MINDY2: variants seen among roughly 807,000 people sequenced by gnomAD.
The protein encoded by MINDY2 is MINDY lysine 48 deubiquitinase 2, also known as ubiquitin carboxyl-terminal hydrolase MINDY-2.
MINDY2 carries 52 observed loss-of-function variants against 68.2 expected under a neutral mutation model. That is an observed-to-expected ratio of 0.76 (90% CI 0.61 to 0.96). MINDY2 has a LOEUF of 0.96. Ranked by LOEUF, MINDY2 falls within the 40% of genes least tolerant of loss-of-function variation. MINDY2 has a pLI of 0.00. For missense variants in MINDY2, 881 were observed against 773.4 expected (o/e 1.14, Z -1.65); for synonymous variants, 372 against 303.0 (o/e 1.23, Z -2.36).
chr15:58,772,199 G>T lies in MINDY2; in HGVS notation c.804G>T (p.Leu268Phe). The change falls in exon 1 of 9, where the codon TTG (leucine) becomes TTT (phenylalanine). Residue 268 changes from leucine (L) to phenylalanine (F), a missense_variant. Leu to Phe is a conservative substitution (Grantham distance 22). Coordinates refer to ENST00000559228, the MANE Select transcript of MINDY2 (RefSeq NM_001040450.3). ...AGAATGAGAACGGACCCTGCCCCTT[G>T]CTGGCCATCCTCAATGTTTTGCTCC... ...ITQNENGPCP[L>F]LAILNVLLLA... 6.2e-7 allele frequency: 1 copy of T among 1,613,190 alleles called. No homozygotes were observed. The highest frequency in any genetic ancestry group is 8.5e-7 in the Non-Finnish European group (1 of 1,180,022).
At chr15:58,825,203 T>G (rs1379880493) in intron 5 of MINDY2, among the ~76,000 whole-genome samples, 2 of 152,220 alleles carry the variant, frequency 1.3e-5, no homozygotes, top group African/African-American at 4.8e-5. Context: ...CTAACATTCC[T>G]TTTTAAGGGA....
intron 1 of MINDY2, among the ~76,000 whole-genome samples, chr15:58,774,959 T>TG (rs1248832409): frequency 1.3e-5 from 2 of 152,204 alleles, no homozygotes; most frequent in African/African-American, 4.8e-5. Context: ...TTCTCCAGCC[T>TG]GTTGATGCCC....
At chr15:58,778,279 A>T (rs1329042267) in intron 1 of MINDY2, among the ~76,000 whole-genome samples, 2 of 152,172 alleles carry the variant, frequency 1.3e-5, no homozygotes, top group Admixed American at 6.5e-5. Context: ...GAATGCACTA[A>T]TTTAAGATGC....
chr15:58,832,632 A>G (rs1171053705), intron 6 of MINDY2, among the ~76,000 whole-genome samples: 2 of 149,164 alleles, frequency 1.3e-5, no homozygotes, highest in Non-Finnish European at 3.0e-5. Context: ...GGTTCAAGCA[A>G]TTCTACTGCC....
At chr15:58,827,383 C>T (rs533677908) in intron 5 of MINDY2, among the ~76,000 whole-genome samples, 14 of 152,130 alleles carry the variant, frequency 9.2e-5, no homozygotes, top group African/African-American at 3.4e-4. Flanking sequence ...AGTTGTTATT[C>T]TTCTGTAACA....
chr15:58,779,840 T>C lies in MINDY2; in HGVS notation c.840+7605T>C, dbSNP rs1222423196. ...CCTCTAATAGTGATAGATGTGTTCA[T>C]TTTTTCTTCTCCCCTTGGTATGAGT... On this transcript the variant is annotated intron_variant, in intron 1 of 8. Transcript: ENST00000559228. Among the ~76,000 whole-genome samples the C allele has an allele frequency of 2.6e-5, 4 of 152,204 alleles. No individual in the cohort carries two copies. The East Asian group carries it at 7.7e-4, about 29-fold the overall frequency.
intron 4 of MINDY2, among the ~76,000 whole-genome samples, chr15:58,812,472 C>G (rs1294052234): frequency 6.6e-6 from 1 of 151,934 alleles, no homozygotes; most frequent in Non-Finnish European, 1.5e-5. Context: ...AGAATGATCC[C>G]TCATACCTTT....
At chr15:58,807,353 CT>C (rs58768604) in intron 3 of MINDY2, among the ~76,000 whole-genome samples, 21,414 of 108,416 alleles carry the variant, frequency 0.2, 829 homozygotes, top group South Asian at 0.28. Flanking sequence ...TTAAAATAGT[CT>C]TTTTTTTTTT....
rs1180248252 is a variant in MINDY2 at position 58,807,418 on chromosome 15, C to T, written c.964-2812C>T. Among the ~76,000 whole-genome samples, 4 of 141,686 alleles carry T rather than the reference C, an allele frequency of 2.8e-5. No individual in the cohort carries two copies. In the Admixed American group the frequency reaches 3.0e-4, roughly 11 times the overall value. The allele number at this position is 141,686 out of a possible 152,430, so 93.0% of individuals were successfully genotyped here. ...TCGCCCAGGCTGGAGTGCAGTGGCG[C>T]GATCTCCACTCACTGCAAGCTCCGC... On this transcript the variant is annotated intron_variant, in intron 3 of 8. Coordinates refer to ENST00000559228, the MANE Select transcript of MINDY2 (RefSeq NM_001040450.3).
intron 2 of MINDY2, among the ~76,000 whole-genome samples, chr15:58,794,974 T>C (rs1160141002): frequency 4.0e-5 from 6 of 151,020 alleles, no homozygotes; most frequent in African/African-American, 1.5e-4. Flanking sequence ...GATCACGAGG[T>C]CAGGAGATCG....
chr15:58,838,387 G>C (rs2141035541), intron 6 of MINDY2, among the ~76,000 whole-genome samples: 1 of 151,738 alleles, frequency 6.6e-6, no homozygotes, highest in South Asian at 2.1e-4. Flanking sequence ...GACAGAGCGA[G>C]ACTCCATCTC....
chr15:58,771,985 C>A lies in MINDY2; in HGVS notation c.590C>A (p.Ala197Glu). ...TGCGAGTTCAATAGTGAGGAGGGAG[C>A]GGAGAACAGGGTCCCTGAGGAGGAG... ...SSCEFNSEEG[A>E]ENRVPEEEEG... Residue 197 changes from alanine to glutamate, a missense_variant, in exon 1 of 9, where the codon GCG becomes GAG. Transcript: ENST00000559228. 1 of 1,582,304 alleles carries A rather than the reference C, an allele frequency of 6.3e-7. No individual in the cohort carries two copies. Among genetic ancestry groups the A allele is most frequent in the Non-Finnish European group, 8.6e-7 (1 of 1,165,656 alleles).
At chr15:58,832,998 T>C in intron 6 of MINDY2, among the ~76,000 whole-genome samples, 1 of 152,262 alleles carries the variant, frequency 6.6e-6, no homozygotes, top group Non-Finnish European at 1.5e-5. Flanking sequence ...AATGTGTGGC[T>C]TTAAATTCTT....
At chr15:58,841,425 G>A (rs1325876543) in intron 6 of MINDY2, among the ~76,000 whole-genome samples, 1 of 140,262 alleles carries the variant, frequency 7.1e-6, no homozygotes, top group Non-Finnish European at 1.5e-5. Flanking sequence ...TTTTTTTTGA[G>A]ACAGAGTTTC....
At chr15:58,848,931 C>A (rs939423186) in intron 7 of MINDY2, among the ~76,000 whole-genome samples, 1 of 152,042 alleles carries the variant, frequency 6.6e-6, no homozygotes, top group African/African-American at 2.4e-5. Context: ...AATACTGGGC[C>A]AGGCAAGGTG....
chr15:58,821,830 GC>G lies in MINDY2; in HGVS notation c.1225+12del. 2.6e-6 allele frequency: 4 copies of G among 1,542,870 alleles called. No homozygotes were observed. Among genetic ancestry groups the G allele is most frequent in the Non-Finnish European group, 3.5e-6 (4 of 1,138,524 alleles). On this transcript the variant is annotated intron_variant, in intron 5 of 8. Coordinates refer to ENST00000559228, the MANE Select transcript of MINDY2 (RefSeq NM_001040450.3). ...AGCTGGTTAGTGAAGGTGGGTGAGT[GC>G]TGCTATTTCCTGACTTTTGAAATTC...
Position 58,831,045 on chromosome 15 carries a change from A to G in MINDY2, c.1226-729A>G, listed in dbSNP as rs201478129. Among the ~76,000 whole-genome samples the G allele has an allele frequency of 8.1e-3, 969 of 119,130 alleles. 23 individuals are homozygous for G. Among genetic ancestry groups the G allele is most frequent in the African/African-American group, 0.031 (893 of 29,276 alleles). 78.2% of individuals were successfully genotyped at this position (119,130 alleles called of 152,430 possible). On this transcript the variant is annotated intron_variant, in intron 5 of 8. Transcript: ENST00000559228. ...TGTGTGTGTGTGTGTGTGTGTGTAT[A>G]TATATATATATATATGTTTTAAATT...
chr15:58,772,028 G>C lies in MINDY2; in HGVS notation c.633G>C (p.Leu211Phe). 6.2e-7 allele frequency: 1 copy of C among 1,601,826 alleles called. No homozygotes were observed. The highest frequency in any genetic ancestry group is 8.5e-7 in the Non-Finnish European group (1 of 1,173,838). Residue 211 changes from leucine (L) to phenylalanine (F), a missense_variant, in exon 1 of 9, where the codon TTG (leucine) becomes TTC (phenylalanine). Coordinates refer to ENST00000559228, the MANE Select transcript of MINDY2 (RefSeq NM_001040450.3). ...AGGAGGAGGAGGGCGCGGCGGTGTT[G>C]CCCGGGGCTGTTCCTCTGTGCAAGG... ...VPEEEEGAAV[L>F]PGAVPLCKEE...
rs2033128596 is a variant in MINDY2 at position 58,858,499 on chromosome 15, G to C, written c.*3889G>C. 1.3e-5 allele frequency: 2 copies of C among 152,116 alleles called. No homozygotes were observed. The highest frequency in any genetic ancestry group is 2.9e-5 in the Non-Finnish European group (2 of 67,970). The allele number at this position is 152,116 out of a possible 1,614,324, so 9.4% of individuals were successfully genotyped here. ...AAGAGACAGATCATGAGAGGAAAGA[G>C]AACTAGAGGCCAATAAATAAAATAA... On this transcript the variant is annotated 3_prime_UTR_variant, in exon 9 of 9. Coordinates refer to ENST00000559228, the MANE Select transcript of MINDY2 (RefSeq NM_001040450.3).
Sources: allele counts gnomAD v4.1 joint callset (sites outside exome capture counted in the v4.1 genomes callset), GRCh38; gene constraint gnomAD v4.1.1; transcripts MANE v1.5; gene names NCBI Gene and HGNC (gene_info 2026-07-23, HGNC 2026-07-21).